FAM240B: variants seen among roughly 807,000 people sequenced by gnomAD.
FAM240B encodes family with sequence similarity 240 member B.
chr9:38,717,267 G>A (rs1821314939), intron 1 of FAM240B, among the ~76,000 whole-genome samples: 1 of 151,758 alleles, frequency 6.6e-6, no homozygotes, highest in South Asian at 2.1e-4. Context: ...AAAATCCCCA[G>A]CATAATTTGG....
chr9:38,701,592 C>A (rs1160621419), intron 2 of FAM240B, among the ~76,000 whole-genome samples: 1 of 152,132 alleles, frequency 6.6e-6, no homozygotes, highest in East Asian at 1.9e-4. Flanking sequence ...CCACAGGGAG[C>A]CTCGCTTCCC....
intron 1 of FAM240B, among the ~76,000 whole-genome samples, chr9:38,706,444 G>A (rs1022945152): frequency 6.6e-6 from 1 of 152,154 alleles, no homozygotes; most frequent in African/African-American, 2.4e-5. Context: ...GGACGCTGGG[G>A]TGTTTGTGAC....
chr9:38,704,990 A>T (rs1821172541), intron 1 of FAM240B, among the ~76,000 whole-genome samples: 1 of 152,244 alleles, frequency 6.6e-6, no homozygotes, highest in Admixed American at 6.5e-5. Flanking sequence ...AAGCTCGTTC[A>T]GCATATGTAT....
intron 2 of FAM240B, 74 bp from the exon 3 acceptor site, chr9:38,694,943 GT>G: frequency 2.5e-6 from 1 of 398,296 alleles, no homozygotes; most frequent in East Asian, 3.6e-5. Context: ...CCGTGGCTTT[GT>G]TTTTCTTCTC....
chr9:38,700,661 G>A (rs953190676), intron 2 of FAM240B, among the ~76,000 whole-genome samples: 13 of 152,222 alleles, frequency 8.5e-5, no homozygotes, highest in African/African-American at 2.2e-4. Flanking sequence ...TACGACACTC[G>A]ACTCTTCTCG....
rs1821043576 is a variant in FAM240B at position 38,694,511 on chromosome 9, A to G, written c.*265T>C. On this transcript the variant is annotated 3_prime_UTR_variant, in exon 3 of 3. Transcript: ENST00000637493. Reference sequence around the variant, plus strand: ...GGCTACATGGGTCTGTGAGACCTGGAGAGTGCTAATTCCAAGAGCTCTTTT... The same window carrying G: ...GGCTACATGGGTCTGTGAGACCTGGGGAGTGCTAATTCCAAGAGCTCTTTT... 6.0e-6 allele frequency: 2 copies of G among 331,972 alleles called. No individual in the cohort carries two copies. Among genetic ancestry groups the G allele is most frequent in the African/African-American group, 2.1e-5 (1 of 47,266 alleles). 20.6% of individuals were successfully genotyped at this position (331,972 alleles called of 1,614,324 possible).
chr9:38,719,793 T>C (rs1438961650), intron 1 of FAM240B, among the ~76,000 whole-genome samples: 1 of 152,230 alleles, frequency 6.6e-6, no homozygotes, highest in African/African-American at 2.4e-5. Flanking sequence ...ACATGAAATT[T>C]CTGCATCATT....
chr9:38,695,712 T>C (rs1821061753), intron 2 of FAM240B, among the ~76,000 whole-genome samples: 1 of 152,202 alleles, frequency 6.6e-6, no homozygotes, highest in Non-Finnish European at 1.5e-5. Context: ...AGAAGATGAT[T>C]CCAACTTCTA....
intron 1 of FAM240B, among the ~76,000 whole-genome samples, chr9:38,711,823 A>T (rs1587593619): frequency 1.3e-5 from 2 of 151,516 alleles, no homozygotes; most frequent in Non-Finnish European, 2.9e-5. Flanking sequence ...TATCCGGCTA[A>T]TTTTTTTTGT....
intron 1 of FAM240B, among the ~76,000 whole-genome samples, chr9:38,714,382 A>C (rs1001086584): frequency 6.6e-6 from 1 of 152,226 alleles, no homozygotes; most frequent in Non-Finnish European, 1.5e-5. Context: ...CATCAAAGAT[A>C]TGTCTCTAAA....
rs964014388 is a variant in FAM240B, at chr9:38,713,394, C to T, written c.-4+6628G>A. On this transcript the variant is annotated intron_variant, in intron 1 of 2. Transcript: ENST00000637493. ...TCGGGAGGCTGAGGCAGGAGAATGG[C>T]GTGAACCTGGGAGGGAGAGCTTGCA... Among the ~76,000 whole-genome samples, 7 of 139,560 alleles carry T rather than the reference C, an allele frequency of 5.0e-5. No individual in the cohort carries two copies. In the East Asian group the frequency reaches 1.3e-3, roughly 27 times the overall value. The allele number at this position is 139,560 out of a possible 152,430, so 91.6% of individuals were successfully genotyped here. A position where few individuals can be genotyped will look rare whatever the true frequency, so the allele number is the denominator to read the frequency against.
intron 1 of FAM240B, among the ~76,000 whole-genome samples, chr9:38,709,921 T>C (rs545280145): frequency 1.7e-4 from 26 of 152,334 alleles, no homozygotes; most frequent in African/African-American, 6.0e-4. Flanking sequence ...CCCATGTGTA[T>C]GCAGATGGAA....
intron 2 of FAM240B, among the ~76,000 whole-genome samples, chr9:38,699,043 C>G (rs184174944): frequency 4.7e-4 from 71 of 152,296 alleles, no homozygotes; most frequent in African/African-American, 1.6e-3. Context: ...TCAGAAGAGC[C>G]ATACAACTGG....
intron 1 of FAM240B, among the ~76,000 whole-genome samples, chr9:38,711,476 C>T (rs1406447770): frequency 1.3e-5 from 2 of 152,182 alleles, no homozygotes; most frequent in African/African-American, 4.8e-5. Context: ...ACCTTCAGGC[C>T]CCACTGGACA....
Position 38,696,768 on chromosome 9 carries a change from C to T in FAM240B, c.144-1899G>A, listed in dbSNP as rs563356870. Among the ~76,000 whole-genome samples, 5 of 152,140 alleles carry T rather than the reference C, an allele frequency of 3.3e-5. No individual in the cohort carries two copies. The East Asian group carries it at 9.7e-4, about 29-fold the overall frequency. Reference sequence around the variant, plus strand: ...GGCGGAGGTTGCAGTGAGCCGAGATCGCACCACTGCACTCCAGCTTGGGCG... The same window carrying T: ...GGCGGAGGTTGCAGTGAGCCGAGATTGCACCACTGCACTCCAGCTTGGGCG... On this transcript the variant is annotated intron_variant, in intron 2 of 2. Transcript: ENST00000637493.
At chr9:38,702,021 A>T (rs189820181) in intron 2 of FAM240B, among the ~76,000 whole-genome samples, 613 of 152,288 alleles carry the variant, frequency 4.0e-3, no homozygotes, top group Non-Finnish European at 7.3e-3. Flanking sequence ...TAAAAGTTTT[A>T]CTATCTTGAC....
chr9:38,709,150 C>T (rs1821224735), intron 1 of FAM240B, among the ~76,000 whole-genome samples: 2 of 152,096 alleles, frequency 1.3e-5, no homozygotes, highest in South Asian at 4.2e-4. Flanking sequence ...TGGCCTCAAC[C>T]CCTCCATGTT....
intron 2 of FAM240B, among the ~76,000 whole-genome samples, chr9:38,702,973 A>G (rs1390430290): frequency 6.6e-6 from 1 of 152,202 alleles, no homozygotes; most frequent in Non-Finnish European, 1.5e-5. Context: ...ATTGGTTCTC[A>G]ATCGGGGATG....
At chr9:38,715,246 G>A (rs2119014675) in intron 1 of FAM240B, among the ~76,000 whole-genome samples, 1 of 152,220 alleles carries the variant, frequency 6.6e-6, no homozygotes. Context: ...CTAGGAGTTA[G>A]GAGACCCCCC....
Sources: allele counts gnomAD v4.1 joint callset (sites outside exome capture counted in the v4.1 genomes callset), GRCh38; gene constraint gnomAD v4.1.1; transcripts MANE v1.5; gene names NCBI Gene and HGNC (gene_info 2026-07-23, HGNC 2026-07-21).